The following ZNF813 variants were observed in gnomAD, a reference collection of about 807,000 sequenced individuals.
The protein encoded by ZNF813 is zinc finger protein 813.
ZNF813 carries 3 observed loss-of-function variants against 7.2 expected under a neutral mutation model. That is an observed-to-expected ratio of 0.42 (90% CI 0.19 to 1.08). The LOEUF is 1.08. Among genes scored for constraint, ZNF813 ranks in the 50% least tolerant of loss-of-function variants. The pLI, the probability that ZNF813 is intolerant of heterozygous loss-of-function variation, is 0.30. For synonymous variants in ZNF813, 227 were observed against 256.3 expected, an observed-to-expected ratio of 0.89 and a Z score of 1.09; for missense variants, 714 against 753.3, an observed-to-expected ratio of 0.95 and a Z score of 0.61.
rs578105989 is a variant in ZNF813, at chr19:53,492,659, C to G, written c.*573C>G. 10 of 817,560 alleles carry G rather than the reference C, an allele frequency of 1.2e-5. No individual in the cohort carries two copies. The highest frequency in any genetic ancestry group is 1.7e-5 in the Non-Finnish European group (9 of 518,992). 50.6% of individuals were successfully genotyped at this position (817,560 alleles called of 1,614,324 possible). A position where few individuals can be genotyped will look rare whatever the true frequency, so the allele number is the denominator to read the frequency against. ...ATGATTGTCACCAAGTCTTCAGTAA[C>G]GCTACAACCATTGCAAATCATTGGA... On this transcript the variant is annotated 3_prime_UTR_variant, in exon 4 of 4. Transcript: ENST00000396403.
intron 1 of ZNF813, among the ~76,000 whole-genome samples, chr19:53,476,211 G>GT (rs1233456460): frequency 6.6e-6 from 1 of 152,172 alleles, no homozygotes; most frequent in Admixed American, 6.5e-5. Context: ...GAGATCCTGG[G>GT]TTCCCCGATA....
In ZNF813 at chr19:53,491,689, C is replaced by T. The variant is rs199779555; in HGVS notation, c.1457C>T (p.Thr486Met). The T allele has an allele frequency of 2.9e-5, 46 of 1,611,592 alleles. No individual in the cohort carries two copies. Among genetic ancestry groups the T allele is most frequent in the Middle Eastern group, 1.7e-4 (1 of 6,032 alleles). Residue 486 changes from threonine (T) to methionine (M), a missense_variant, in exon 4 of 4, where the codon ACG (threonine) becomes ATG (methionine). By Grantham distance (81) the Thr-to-Met change is moderately conservative. Transcript: ENST00000396403. The part of the protein sequence containing the change: ...FSRISALVIH[T>M]AIHTGEKPYK... The stretch of plus-strand genomic sequence containing the variant: ...CGAATTTCAGCCCTCGTAATTCATA[C>T]GGCAATTCATACTGGAGAGAAACCT...
At chr19:53,485,608 C>T (rs1022491907) in intron 2 of ZNF813, among the ~76,000 whole-genome samples, 3 of 68,912 alleles carry the variant, frequency 4.4e-5, no homozygotes, top group East Asian at 4.5e-4. Context: ...TGATATATAT[C>T]GTGATATATA....
At chr19:53,468,429 G>C (rs1032788110) in intron 1 of ZNF813, among the ~76,000 whole-genome samples, 5 of 152,184 alleles carry the variant, frequency 3.3e-5, no homozygotes, top group African/African-American at 1.2e-4. Flanking sequence ...AAAGTATAGA[G>C]AAAGGACAGT....
chr19:53,492,391 C>T lies in ZNF813; in HGVS notation c.*305C>T, dbSNP rs571388814. The T allele has an allele frequency of 2.8e-5, 14 of 500,412 alleles. No homozygotes were observed. In the South Asian group the frequency reaches 3.1e-4, roughly 11 times the overall value. The allele number at this position is 500,412 out of a possible 1,614,324, so 31.0% of individuals were successfully genotyped here. A position where few individuals can be genotyped will look rare whatever the true frequency, so the allele number is the denominator to read the frequency against. On this transcript the variant is annotated 3_prime_UTR_variant, in exon 4 of 4. Coordinates refer to ENST00000396403, the MANE Select transcript of ZNF813 (RefSeq NM_001004301.4). ...GAAAGCTTACAAAGGTGAAGAATAT[C>T]ACAGAGTTTTCAGTCACAAGTCAAA...
chr19:53,481,627 G>A (rs1479521441), intron 1 of ZNF813, among the ~76,000 whole-genome samples: 1 of 151,954 alleles, frequency 6.6e-6, no homozygotes, highest in Non-Finnish European at 1.5e-5. Context: ...GAGATTACAG[G>A]CATGATCCAT....
At chr19:53,489,099 T>C (rs1248158045) in intron 3 of ZNF813, among the ~76,000 whole-genome samples, 1 of 151,992 alleles carries the variant, frequency 6.6e-6, no homozygotes, top group African/African-American at 2.4e-5. Flanking sequence ...CTCTGCCTCC[T>C]GGGTTCAAGT....
rs538812849 is a variant in ZNF813, at chr19:53,493,090, G to T, written c.*1004G>T. 2 of 361,144 alleles carry T rather than the reference G, an allele frequency of 5.5e-6. No homozygotes were observed. Among genetic ancestry groups the T allele is most frequent in the East Asian group, 1.5e-4 (2 of 13,306 alleles). The allele number at this position is 361,144 out of a possible 1,614,324, so 22.4% of individuals were successfully genotyped here. ...ATCAAGCAGTAATTGACATTAAAGT[G>T]TTTATGTTAAGAGGATTGGGCCAGG... On this transcript the variant is annotated 3_prime_UTR_variant, in exon 4 of 4. Coordinates refer to ENST00000396403, the MANE Select transcript of ZNF813 (RefSeq NM_001004301.4).
At chr19:53,485,535 A>G (rs2086427915) in intron 2 of ZNF813, among the ~76,000 whole-genome samples, 1 of 151,050 alleles carries the variant, frequency 6.6e-6, no homozygotes, top group Non-Finnish European at 1.5e-5. Context: ...AGGTTTCATT[A>G]TTTTGTTGAC....
intron 1 of ZNF813, among the ~76,000 whole-genome samples, chr19:53,470,160 T>TCC (rs146034098): frequency 1.5e-3 from 194 of 128,716 alleles, no homozygotes; most frequent in East Asian, 2.4e-3. Context: ...TTTCTTTCTT[T>TCC]TTCTTTTCTT....
At chr19:53,479,957 T>C (rs538099280) in intron 1 of ZNF813, 4 of 774,570 alleles carry the variant, frequency 5.2e-6, no homozygotes, top group South Asian at 1.3e-5. Flanking sequence ...CCATGCTGAG[T>C]TGGCTGAGAG....
At position 53,494,010 on chromosome 19, in the gene ZNF813, T is replaced by A. The variant is rs1345029417; in HGVS notation, c.*1924T>A. Reference sequence around the variant, plus strand: ...TATGATGAGTGGATTTTGAATTTTGTGAAATACTTTTTCTCCATCTATTGA... The same window carrying A: ...TATGATGAGTGGATTTTGAATTTTGAGAAATACTTTTTCTCCATCTATTGA... On this transcript the variant is annotated 3_prime_UTR_variant, in exon 4 of 4. Coordinates refer to ENST00000396403, the MANE Select transcript of ZNF813 (RefSeq NM_001004301.4). 6.6e-6 allele frequency: 1 copy of A among 152,362 alleles called. No individual in the cohort carries two copies. The highest frequency in any genetic ancestry group is 1.5e-5 in the Non-Finnish European group (1 of 68,066). The allele number at this position is 152,362 out of a possible 1,614,324, so 9.4% of individuals were successfully genotyped here. A position where few individuals can be genotyped will look rare whatever the true frequency, so the allele number is the denominator to read the frequency against.
intron 1 of ZNF813, among the ~76,000 whole-genome samples, chr19:53,468,971 C>T (rs2086342655): frequency 1.6e-5 from 2 of 122,012 alleles, no homozygotes; most frequent in East Asian, 2.1e-4. Context: ...CAGGCTGTCT[C>T]AGTGGGGGGA....
chr19:53,481,344 C>CTTTTTTTTTTTTTTTTTTTT (rs66842546), intron 1 of ZNF813, among the ~76,000 whole-genome samples: 34 of 106,368 alleles, frequency 3.2e-4, no homozygotes, highest in African/African-American at 8.1e-4. Context: ...CCCATGTATT[C>CTTTTTTTTTTTTTTTTTTTT]TTTTTTTTTT....
chr19:53,479,967 G>C, intron 1 of ZNF813: 2 of 766,374 alleles, frequency 2.6e-6, no homozygotes, highest in African/African-American at 1.7e-5. Context: ...TTGGCTGAGA[G>C]ATCAGTAGCC....
At chr19:53,483,583 C>T (rs917096158) in intron 1 of ZNF813, among the ~76,000 whole-genome samples, 167 bp from the exon 2 acceptor site, 10 of 152,088 alleles carry the variant, frequency 6.6e-5, no homozygotes, top group Non-Finnish European at 1.5e-4. Context: ...TGGGCTTCTC[C>T]GGGAGGGGAG....
chr19:53,485,568 A>G (rs1031350883), intron 2 of ZNF813, among the ~76,000 whole-genome samples: 4 of 110,118 alleles, frequency 3.6e-5, no homozygotes, highest in Non-Finnish European at 8.0e-5. Flanking sequence ...CATGACATAT[A>G]TACATGTATG....
chr19:53,477,158 T>C (rs1486370453), intron 1 of ZNF813, among the ~76,000 whole-genome samples: 2 of 152,184 alleles, frequency 1.3e-5, no homozygotes, highest in Non-Finnish European at 2.9e-5. Flanking sequence ...TACCACTGGA[T>C]GGATAGTTAC....
intron 1 of ZNF813, among the ~76,000 whole-genome samples, chr19:53,475,412 G>C (rs1487451477): frequency 1.3e-5 from 2 of 152,284 alleles, no homozygotes; most frequent in Non-Finnish European, 2.9e-5. Flanking sequence ...CTGTCTGTAA[G>C]ATCTTTCTCA....
Sources: allele counts gnomAD v4.1 joint callset (sites outside exome capture counted in the v4.1 genomes callset), GRCh38; gene constraint gnomAD v4.1.1; transcripts MANE v1.5; gene names NCBI Gene and HGNC (gene_info 2026-07-23, HGNC 2026-07-21).